RWDD1: variants seen among roughly 807,000 people sequenced by gnomAD.
RWDD1 encodes RWD domain-containing protein 1.
In RWDD1, 17 loss-of-function variants were observed where a neutral mutation model predicts 31.6. The ratio of observed to expected loss-of-function variants is 0.54; its 90% CI spans 0.37 to 0.81. The LOEUF (loss-of-function observed/expected upper bound fraction) is 0.81. Among genes scored for constraint, RWDD1 ranks in the 30% least tolerant of loss-of-function variants. RWDD1 has a pLI of 0.00. For missense variants in RWDD1, 204 were observed against 274.5 expected (o/e 0.74, Z 1.82); for synonymous variants, 78 against 94.2 (o/e 0.83, Z 0.99).
At position 116,571,676 on chromosome 6, in the gene RWDD1, C is replaced by T. The variant is rs2295598; in HGVS notation, c.73+21C>T. On this transcript the variant is annotated intron_variant, in intron 1 of 6. Coordinates refer to ENST00000466444, the MANE Select transcript of RWDD1 (RefSeq NM_015952.4). ...CACAGGTGACTCCCGCGGCCGCAAG[C>T]CTGTAGCCGCCCCGAGGTGGAGTAG... 0.2 allele frequency: 319,378 copies of T among 1,605,420 alleles called. 33,303 individuals carry two copies. The highest frequency in any genetic ancestry group is 0.37 in the East Asian group (16,447 of 44,278).
intron 2 of RWDD1, among the ~76,000 whole-genome samples, chr6:116,584,400 A>G (rs1197939842): frequency 6.6e-6 from 1 of 152,170 alleles, no homozygotes; most frequent in South Asian, 2.1e-4. Context: ...TTTTAAAAAT[A>G]TGTTGTATTC....
At chr6:116,579,315 C>T (rs1050271861) in intron 1 of RWDD1, among the ~76,000 whole-genome samples, 2 of 152,222 alleles carry the variant, frequency 1.3e-5, no homozygotes, top group Admixed American at 6.5e-5. Context: ...TGCTGCCAAC[C>T]TTGACAAGTA....
At chr6:116,576,930 T>C (rs1043256946) in intron 1 of RWDD1, among the ~76,000 whole-genome samples, 4 of 152,204 alleles carry the variant, frequency 2.6e-5, no homozygotes, top group African/African-American at 9.7e-5. Context: ...CAGAGGGCCT[T>C]GTCAGGGACT....
At position 116,584,743 on chromosome 6, in the gene RWDD1, C is replaced by A; in HGVS notation, c.156C>A (p.Leu52=). The change falls in exon 3 of 7, where the codon CTC becomes CTA. Residue 52 remains leucine (L), a synonymous_variant. Coordinates refer to ENST00000466444, the MANE Select transcript of RWDD1 (RefSeq NM_015952.4). The part of the protein sequence containing the change: ...GENDETVQTT[L]KFTYSEKYPD... ...GTGTCTTAGCTGTCCAGACTACCCT[C>A]AAGTTTACATACAGTGAAAAATACC... is the stretch of plus-strand genomic sequence containing the variant. 1 of 1,611,156 alleles carries A rather than the reference C, an allele frequency of 6.2e-7. No individual in the cohort carries two copies. Among genetic ancestry groups the A allele is most frequent in the South Asian group, 1.1e-5 (1 of 91,014 alleles).
At chr6:116,590,075 C>T (rs2115335903) in intron 4 of RWDD1, among the ~76,000 whole-genome samples, 197 bp from the exon 5 acceptor site, 1 of 152,282 alleles carries the variant, frequency 6.6e-6, no homozygotes, top group African/African-American at 2.4e-5. Context: ...AAAAAATGGA[C>T]TACTCCAAAG....
chr6:116,574,865 C>T (rs1301221179), intron 1 of RWDD1, among the ~76,000 whole-genome samples: 3 of 146,542 alleles, frequency 2.0e-5, no homozygotes, highest in African/African-American at 7.5e-5. Flanking sequence ...GACCTCTTTA[C>T]TCAAGTGATC....
intron 6 of RWDD1, among the ~76,000 whole-genome samples, chr6:116,591,782 C>A (rs187537023): frequency 5.9e-5 from 9 of 152,370 alleles, no homozygotes; most frequent in African/African-American, 2.2e-4. Flanking sequence ...TTGTATCTGT[C>A]TTGCCAGTTG....
intron 1 of RWDD1, among the ~76,000 whole-genome samples, chr6:116,571,974 C>G (rs1415768101): frequency 1.3e-5 from 2 of 152,030 alleles, no homozygotes; most frequent in African/African-American, 4.8e-5. Flanking sequence ...AGAAAAAATA[C>G]TCCAAGTGCG....
intron 1 of RWDD1, among the ~76,000 whole-genome samples, chr6:116,578,361 T>C (rs1378392538): frequency 6.6e-6 from 1 of 152,238 alleles, no homozygotes; most frequent in East Asian, 1.9e-4. Flanking sequence ...TTTAGTGAAT[T>C]ATAGTATAAA....
chr6:116,590,293 G>T lies in RWDD1; in HGVS notation c.436G>T (p.Val146Phe). 6.3e-7 allele frequency: 1 copy of T among 1,582,764 alleles called. No individual in the cohort carries two copies. The highest frequency in any genetic ancestry group is 1.2e-5 in the South Asian group (1 of 85,404). ...AEKQLFHGTPVTIENFLNWKA... is the reference protein window; with the variant it reads ...AEKQLFHGTPFTIENFLNWKA... ...TAAGCAATTATTCCATGGTACTCCA[G>T]TTACAATTGAGAATTTCTTAAATTG... The change falls in exon 5 of 7, where the codon GTT (valine) becomes TTT (phenylalanine). Residue 146 changes from valine (V) to phenylalanine (F), a missense_variant. By Grantham distance (50) the Val-to-Phe change is conservative. Coordinates refer to ENST00000466444, the MANE Select transcript of RWDD1 (RefSeq NM_015952.4).
chr6:116,578,379 C>A (rs1774888162), intron 1 of RWDD1, among the ~76,000 whole-genome samples: 1 of 152,118 alleles, frequency 6.6e-6, no homozygotes, highest in Non-Finnish European at 1.5e-5. Context: ...AAATCATGGT[C>A]TTGTGCCAGA....
chr6:116,583,748 C>T (rs1002350188), intron 2 of RWDD1, among the ~76,000 whole-genome samples: 4 of 151,932 alleles, frequency 2.6e-5, no homozygotes, highest in African/African-American at 9.7e-5. Flanking sequence ...TAAAAATGTG[C>T]TAATAAAAGA....
intron 2 of RWDD1, among the ~76,000 whole-genome samples, chr6:116,583,939 C>T (rs550499039): frequency 2.8e-4 from 42 of 152,242 alleles, no homozygotes; most frequent in Non-Finnish European, 5.3e-4. Flanking sequence ...TGTATTGCTT[C>T]ATCAAAATCA....
chr6:116,582,679 C>G (rs1021258329), intron 2 of RWDD1, among the ~76,000 whole-genome samples: 4 of 151,850 alleles, frequency 2.6e-5, no homozygotes, highest in African/African-American at 9.7e-5. Flanking sequence ...TCATTTTCGT[C>G]TTCTCCCTTT....
intron 6 of RWDD1, 128 bp from the exon 7 acceptor site, chr6:116,592,852 G>C: frequency 2.0e-6 from 2 of 981,096 alleles, no homozygotes; most frequent in Non-Finnish European, 2.9e-6. Context: ...TGTAGTTTGG[G>C]ATTTCATCAC....
intron 2 of RWDD1, 52 bp from the exon 3 acceptor site, chr6:116,584,675 C>T: frequency 4.0e-6 from 6 of 1,517,006 alleles, no homozygotes; most frequent in Non-Finnish European, 5.5e-6. Context: ...GCAAAGATAT[C>T]TACCTCTTTA....
At chr6:116,580,096 A>C (rs1199439440) in intron 1 of RWDD1, 199 bp from the exon 2 acceptor site, 2 of 356,712 alleles carry the variant, frequency 5.6e-6, no homozygotes, top group African/African-American at 4.2e-5. Context: ...ATTTCTTTCC[A>C]GATTAAAGAC....
At chr6:116,592,155 A>T (rs1775156624) in intron 6 of RWDD1, among the ~76,000 whole-genome samples, 1 of 152,198 alleles carries the variant, frequency 6.6e-6, no homozygotes, top group South Asian at 2.1e-4. Flanking sequence ...GGAGAGAATG[A>T]CCTACACAAT....
chr6:116,596,048 A>T lies in RWDD1; in HGVS notation c.*2947A>T, dbSNP rs1775234988. 1 of 152,242 alleles carries T rather than the reference A, an allele frequency of 6.6e-6. No individual in the cohort carries two copies. The highest frequency in any genetic ancestry group is 1.5e-5 in the Non-Finnish European group (1 of 68,036). 9.4% of individuals were successfully genotyped at this position (152,242 alleles called of 1,614,324 possible). On this transcript the variant is annotated 3_prime_UTR_variant, in exon 7 of 7. Coordinates refer to ENST00000466444, the MANE Select transcript of RWDD1 (RefSeq NM_015952.4). ...TGCACTCTTGTATTCCAGAAAGAAGATGATTTGTAAGTGTTCAGTATTTGT... is the reference window on the plus strand; with the variant it reads ...TGCACTCTTGTATTCCAGAAAGAAGTTGATTTGTAAGTGTTCAGTATTTGT...
Sources: gnomAD v4.1 joint callset for allele counts (sites outside exome capture counted in the v4.1 genomes callset) on GRCh38, gnomAD v4.1.1 for gene constraint, MANE v1.5 for transcripts, NCBI Gene and HGNC (gene_info 2026-07-23, HGNC 2026-07-21) for gene names.